Variants in NXPE4 observed in about 807,000 individuals in gnomAD.
NXPE4 encodes the protein neurexophilin and PC-esterase domain family member 4.
A neutral mutation model predicts 33.3 loss-of-function variants in NXPE4; 42 were observed. The observed-to-expected ratio is 1.26, with a 90% CI of 0.98 to 1.63. The LOEUF is 1.63. Ranked by LOEUF, NXPE4 falls within the 40% of genes most tolerant of loss-of-function variation. The probability of loss-of-function intolerance (pLI) is 0.00; values close to 1 mark genes in which losing one functional copy is unlikely to be tolerated. For missense variants in NXPE4, 709 were observed against 647.6 expected, an observed-to-expected ratio of 1.09 and a Z score of -1.03; for synonymous variants, 253 against 234.9, an observed-to-expected ratio of 1.08 and a Z score of -0.71.
the NXPE4 span, among the ~76,000 whole-genome samples, chr11:114,615,015 C>A: frequency 1.3e-5 from 2 of 151,298 alleles, no homozygotes; most frequent in Non-Finnish European, 2.9e-5. Flanking sequence ...TAAGTGTTTC[C>A]TCGTGGGTAA....
upstream of NXPE4, chr11:114,595,871 G>T (rs1949565894): frequency 6.6e-6 from 1 of 152,340 alleles, no homozygotes; most frequent in South Asian, 2.1e-4. Context: ...AAGGAGAAAT[G>T]AAGTGCTCTG....
At chr11:114,604,849 C>T in the NXPE4 span, among the ~76,000 whole-genome samples, 4 of 151,934 alleles carry the variant, frequency 2.6e-5, no homozygotes, top group Admixed American at 1.3e-4. Context: ...TGTGGGTATC[C>T]ACTGTTACCT....
the NXPE4 span, among the ~76,000 whole-genome samples, chr11:114,658,113 A>G: frequency 6.6e-6 from 1 of 152,204 alleles, no homozygotes; most frequent in Non-Finnish European, 1.5e-5. Context: ...CGTCATAAAA[A>G]AGAAAAATCC....
upstream of NXPE4, among the ~76,000 whole-genome samples, chr11:114,598,682 G>A (rs1477546387): frequency 4.0e-5 from 6 of 151,690 alleles, no homozygotes; most frequent in African/African-American, 9.7e-5. Flanking sequence ...AGCCATGGCT[G>A]GAGCTGGAGC....
chr11:114,592,536 C>T (rs2135288984), intron 2 of NXPE4, among the ~76,000 whole-genome samples: 1 of 152,090 alleles, frequency 6.6e-6, no homozygotes, highest in East Asian at 1.9e-4. Flanking sequence ...CACACTCACA[C>T]ACACACACAC....
the NXPE4 span, among the ~76,000 whole-genome samples, chr11:114,611,795 G>C: frequency 1.3e-4 from 20 of 151,536 alleles, no homozygotes; most frequent in Admixed American, 1.3e-3. Context: ...GATAATAAGT[G>C]TTGCCTCTTG....
the NXPE4 span, among the ~76,000 whole-genome samples, chr11:114,642,795 G>C: frequency 6.6e-6 from 1 of 151,974 alleles, no homozygotes; most frequent in African/African-American, 2.4e-5. Flanking sequence ...GGGCTTGCTG[G>C]GTCAAATGGC....
chr11:114,623,959 C>T, the NXPE4 span, among the ~76,000 whole-genome samples: 27 of 152,112 alleles, frequency 1.8e-4, 3 homozygotes, highest in Admixed American at 1.7e-3. Context: ...CCACTGTTAT[C>T]CAGTGGATAA....
chr11:114,659,657 G>T, the NXPE4 span, among the ~76,000 whole-genome samples: 90 of 152,128 alleles, frequency 5.9e-4, no homozygotes, highest in African/African-American at 2.0e-3. Flanking sequence ...TCAAAATATG[G>T]GGATGCAGGT....
the NXPE4 span, among the ~76,000 whole-genome samples, chr11:114,602,430 AATT>A: frequency 7.5e-6 from 1 of 133,610 alleles, no homozygotes; most frequent in Non-Finnish European, 1.5e-5. Context: ...CAATAAATGT[AATT>A]ATAATATATA....
chr11:114,612,554 T>C, the NXPE4 span, among the ~76,000 whole-genome samples: 1 of 151,964 alleles, frequency 6.6e-6, no homozygotes, highest in Non-Finnish European at 1.5e-5. Context: ...AAGTGTTGCC[T>C]CATGGGTAAC....
At chr11:114,618,871 C>T in the NXPE4 span, among the ~76,000 whole-genome samples, 3 of 151,880 alleles carry the variant, frequency 2.0e-5, no homozygotes, top group Admixed American at 6.6e-5. Flanking sequence ...TAAGTATTGC[C>T]TCATGGGTCA....
the NXPE4 span, among the ~76,000 whole-genome samples, chr11:114,619,714 G>T: frequency 6.6e-6 from 1 of 152,072 alleles, no homozygotes; most frequent in Non-Finnish European, 1.5e-5. Flanking sequence ...TGCCTCTTGA[G>T]TAATCACTGT....
At chr11:114,638,111 T>C in the NXPE4 span, among the ~76,000 whole-genome samples, 3 of 151,744 alleles carry the variant, frequency 2.0e-5, no homozygotes, top group African/African-American at 7.3e-5. Flanking sequence ...CAATGAGATG[T>C]AGATTTGGTC....
Position 114,580,299 on chromosome 11 carries a change from A to G in NXPE4, c.932T>C (p.Met311Thr). 6.2e-7 allele frequency: 1 copy of G among 1,614,114 alleles called. No homozygotes were observed. The highest frequency in any genetic ancestry group is 8.5e-7 in the Non-Finnish European group (1 of 1,179,970). The change falls in exon 5 of 6, where the codon ATG becomes ACG. Residue 311 changes from methionine (M) to threonine (T), a missense_variant. Transcript: ENST00000375478. ...ATGCCCACTGGGGATTGTGGATGTCATTCCAAACTTGCATTTCTCTTTCAT... is the reference window on the plus strand; with the variant it reads ...ATGCCCACTGGGGATTGTGGATGTCGTTCCAAACTTGCATTTCTCTTTCAT... The part of the protein sequence containing the change: ...VAMKEKCKFG[M>T]TSTIPSGHVW...
At chr11:114,675,768 C>A in the NXPE4 span, among the ~76,000 whole-genome samples, 1 of 151,858 alleles carries the variant, frequency 6.6e-6, no homozygotes, top group East Asian at 1.9e-4. Flanking sequence ...TTACATGGAA[C>A]CACAAAAGAC....
chr11:114,646,060 T>A, the NXPE4 span, among the ~76,000 whole-genome samples: 1 of 152,160 alleles, frequency 6.6e-6, no homozygotes, highest in Non-Finnish European at 1.5e-5. Flanking sequence ...TGATATGATC[T>A]GCAAATAATG....
intron 2 of NXPE4, among the ~76,000 whole-genome samples, chr11:114,592,210 G>C (rs888905579): frequency 1.3e-5 from 2 of 152,066 alleles, no homozygotes; most frequent in Non-Finnish European, 2.9e-5. Context: ...GGGCATACAA[G>C]TTGGAAAGAA....
At chr11:114,635,215 T>A in the NXPE4 span, among the ~76,000 whole-genome samples, 8 of 150,156 alleles carry the variant, frequency 5.3e-5, no homozygotes, top group Non-Finnish European at 1.2e-4. Flanking sequence ...TATTTTATTA[T>A]CTTTGAAGCA....
Sources: allele counts gnomAD v4.1 joint callset (sites outside exome capture counted in the v4.1 genomes callset), GRCh38; gene constraint gnomAD v4.1.1; transcripts MANE v1.5; gene names NCBI Gene and HGNC (gene_info 2026-07-23, HGNC 2026-07-21).